DSCAM: variants seen among roughly 807,000 people sequenced by gnomAD.
DSCAM encodes DS cell adhesion molecule, also known as cell adhesion molecule DSCAM.
A neutral mutation model predicts 217.7 loss-of-function variants in DSCAM; 47 were observed. That is an observed-to-expected ratio of 0.22 (90% CI 0.17 to 0.28). The LOEUF (loss-of-function observed/expected upper bound fraction) is 0.28. Among genes scored for constraint, DSCAM ranks in the 10% least tolerant of loss-of-function variants. The pLI is 1.00. For synonymous variants in DSCAM, 1,056 were observed against 1,015.3 expected (o/e 1.04, Z -0.76); for missense variants, 2,080 against 2,618.3 (o/e 0.79, Z 4.49).
intron 1 of DSCAM, among the ~76,000 whole-genome samples, chr21:40,838,181 G>A (rs1418864614): frequency 6.6e-6 from 1 of 152,126 alleles, no homozygotes; most frequent in Non-Finnish European, 1.5e-5. Flanking sequence ...CTTTCTACTT[G>A]TCTTTCTCTT....
intron 10 of DSCAM, among the ~76,000 whole-genome samples, chr21:40,295,775 AG>A (rs939570953): frequency 9.9e-5 from 15 of 152,046 alleles, no homozygotes; most frequent in South Asian, 6.2e-4. Flanking sequence ...CAGGTGGGCA[AG>A]GTAGGACTTC....
chr21:40,446,750 T>C (rs1413102347), intron 3 of DSCAM, among the ~76,000 whole-genome samples: 2 of 152,184 alleles, frequency 1.3e-5, no homozygotes, highest in Non-Finnish European at 2.9e-5. Context: ...AATAAACATA[T>C]CTGTTTTCAA....
intron 1 of DSCAM, among the ~76,000 whole-genome samples, chr21:40,778,587 G>C (rs763578004): frequency 1.2e-4 from 18 of 152,184 alleles, no homozygotes; most frequent in Admixed American, 2.0e-4. Flanking sequence ...AATGGAAATA[G>C]AATATATACA....
At chr21:40,696,537 C>T (rs766573742) in intron 2 of DSCAM, among the ~76,000 whole-genome samples, 63 of 152,158 alleles carry the variant, frequency 4.1e-4, no homozygotes, top group Admixed American at 7.9e-4. Context: ...AGGCATTTCC[C>T]ACTCTTGTTT....
intron 3 of DSCAM, among the ~76,000 whole-genome samples, chr21:40,487,343 G>GAC (rs2076039321): frequency 1.5e-5 from 2 of 137,772 alleles, no homozygotes; most frequent in African/African-American, 5.6e-5. Flanking sequence ...GAGAGAGAGA[G>GAC]AGAGAGAGAG....
At chr21:40,549,697 T>C (rs1218320385) in intron 3 of DSCAM, among the ~76,000 whole-genome samples, 1 of 152,216 alleles carries the variant, frequency 6.6e-6, no homozygotes, top group Admixed American at 6.5e-5. Flanking sequence ...ATACTTCAGC[T>C]CACTCACCTT....
At chr21:40,172,282 G>A (rs762872843) in intron 15 of DSCAM, among the ~76,000 whole-genome samples, 1 of 152,126 alleles carries the variant, frequency 6.6e-6, no homozygotes, top group Admixed American at 6.6e-5. Flanking sequence ...AAAAACAAGT[G>A]ATTTTACAAA....
intron 17 of DSCAM, among the ~76,000 whole-genome samples, chr21:40,143,151 T>C (rs2146715008): frequency 6.6e-6 from 1 of 152,348 alleles, no homozygotes; most frequent in African/African-American, 2.4e-5. Context: ...TGAACCATTG[T>C]AAAGTGCTAA....
intron 11 of DSCAM, among the ~76,000 whole-genome samples, chr21:40,216,126 G>C (rs769122299): frequency 3.3e-5 from 5 of 152,144 alleles, no homozygotes; most frequent in Non-Finnish European, 5.9e-5. Flanking sequence ...ATTTGTTTTA[G>C]AGACAGGATC....
At chr21:40,773,897 G>C (rs2091467154) in intron 1 of DSCAM, among the ~76,000 whole-genome samples, 1 of 152,212 alleles carries the variant, frequency 6.6e-6, no homozygotes, top group South Asian at 2.1e-4. Flanking sequence ...TGAAGCAACT[G>C]TTTGGAAAGT....
At chr21:40,741,380 G>A (rs2091122171) in intron 1 of DSCAM, among the ~76,000 whole-genome samples, 5 of 152,158 alleles carry the variant, frequency 3.3e-5, no homozygotes, top group Admixed American at 3.3e-4. Context: ...GCACATGCAT[G>A]CACTCTTCCA....
At chr21:40,518,948 C>G (rs1014822608) in intron 3 of DSCAM, among the ~76,000 whole-genome samples, 8 of 152,026 alleles carry the variant, frequency 5.3e-5, no homozygotes, top group Admixed American at 5.2e-4. Context: ...ACCCATACAG[C>G]ATGTTACTGC....
chr21:40,187,795 C>T (rs2090911275), intron 13 of DSCAM, 96 bp downstream of exon 13: 1 of 1,089,562 alleles, frequency 9.2e-7, no homozygotes, highest in Non-Finnish European at 1.4e-6. Flanking sequence ...GGAAGTGTTA[C>T]ATGGCAAGTT....
intron 3 of DSCAM, among the ~76,000 whole-genome samples, chr21:40,385,818 A>G (rs2075079276): frequency 6.6e-6 from 1 of 151,778 alleles, no homozygotes; most frequent in Non-Finnish European, 1.5e-5. Context: ...GAAAAATCTG[A>G]TAAGCCTTTG....
chr21:40,725,392 T>C (rs911734745), intron 1 of DSCAM, among the ~76,000 whole-genome samples: 3 of 152,120 alleles, frequency 2.0e-5, no homozygotes, highest in Non-Finnish European at 4.4e-5. Flanking sequence ...AGGTATGAGG[T>C]ACTCTTCTAT....
At chr21:40,378,551 CTTATTTTTTTTTTTTTTTTTTTTTTTT>C (rs2074986852) in intron 3 of DSCAM, among the ~76,000 whole-genome samples, 5 of 101,398 alleles carry the variant, frequency 4.9e-5, no homozygotes, top group African/African-American at 1.5e-4. Context: ...ACAATGAAAA[CTTATTTTTTTTTTTTTTTTTTTTTTTT>C]TTTTTTTTTT....
rs74497764 is a variant in DSCAM, at chr21:40,715,582, G to T, written c.44-6811C>A. 2.9e-3 allele frequency among the ~76,000 whole-genome samples: 447 copies of T among 152,284 alleles called. 2 individuals are homozygous for T. Among genetic ancestry groups the T allele is most frequent in the African/African-American group, 0.01 (429 of 41,568 alleles). ...TAAAGTCTTTAGCAATGCTTCATAA[G>T]TCAGAATATGAAAATTATTGCTAAC... On this transcript the variant is annotated intron_variant, in intron 1 of 32. Transcript: ENST00000400454.
chr21:40,768,883 A>G (rs1305664821), intron 1 of DSCAM, among the ~76,000 whole-genome samples: 1 of 152,262 alleles, frequency 6.6e-6, no homozygotes, highest in Non-Finnish European at 1.5e-5. Context: ...AGGAAAAAAC[A>G]AGGCATTTTC....
rs370625918 is a variant in DSCAM, at chr21:40,833,132, C to T, written c.43+13487G>A. Reference sequence around the variant, plus strand: ...TCAGAAGGGAAAGGAAGGCAAACAGCGAAAAGTCTCTCAGAGAAAAAGATT... The same window carrying T: ...TCAGAAGGGAAAGGAAGGCAAACAGTGAAAAGTCTCTCAGAGAAAAAGATT... On this transcript the variant is annotated intron_variant, in intron 1 of 32. Transcript: ENST00000400454. Among the ~76,000 whole-genome samples, 87 of 152,104 alleles carry T rather than the reference C, an allele frequency of 5.7e-4. No homozygotes were observed. The East Asian group carries it at 7.0e-3, about 12-fold the overall frequency.
Sources: allele counts gnomAD v4.1 joint callset (sites outside exome capture counted in the v4.1 genomes callset), GRCh38; gene constraint gnomAD v4.1.1; transcripts MANE v1.5; gene names NCBI Gene and HGNC (gene_info 2026-07-23, HGNC 2026-07-21).